Variants in TP53BP2 observed in about 807,000 individuals in gnomAD.
TP53BP2 encodes apoptosis-stimulating of p53 protein 2.
In TP53BP2, 62 loss-of-function variants were observed where a neutral mutation model predicts 126.2. The ratio of observed to expected loss-of-function variants is 0.49; its 90% CI spans 0.40 to 0.61. The LOEUF (loss-of-function observed/expected upper bound fraction) is 0.61, where lower values mean the gene tolerates loss of function less well. Ranked by LOEUF, TP53BP2 falls within the 20% of genes least tolerant of loss-of-function variation. The pLI is 0.00. For synonymous variants in TP53BP2, 485 were observed against 502.9 expected (o/e 0.96, Z 0.48); for missense variants, 1,215 against 1,402.8 (o/e 0.87, Z 2.14).
intron 6 of TP53BP2, 39 bp from the exon 7 acceptor site, chr1:223,803,491 A>T: frequency 6.5e-7 from 1 of 1,543,096 alleles, no homozygotes; most frequent in Non-Finnish European, 8.8e-7. Context: ...GTTGAAAAGA[A>T]AAATAAGAAT....
intron 1 of TP53BP2, among the ~76,000 whole-genome samples, chr1:223,823,300 A>C (rs1571868049): frequency 6.6e-6 from 1 of 152,166 alleles, no homozygotes; most frequent in African/African-American, 2.4e-5. Context: ...ATGATGATGG[A>C]AACTGGCTAA....
chr1:223,837,155 A>AGGGGGGGG (rs139243545), intron 1 of TP53BP2, among the ~76,000 whole-genome samples: 1 of 76,620 alleles, frequency 1.3e-5, no homozygotes, highest in Non-Finnish European at 2.7e-5. Flanking sequence ...TAAAAAAAAA[A>AGGGGGGGG]GGGGGGGGGC....
intron 9 of TP53BP2, 38 bp downstream of exon 9, chr1:223,802,078 T>G (rs1409354201): frequency 6.4e-7 from 1 of 1,572,812 alleles, no homozygotes; most frequent in South Asian, 1.1e-5. Context: ...GAAAGAATAG[T>G]GGGGACAGGA....
At position 223,798,689 on chromosome 1, in the gene TP53BP2, AC is replaced by A. The variant is rs1324645777; in HGVS notation, c.1486-13del. Reference sequence around the variant, plus strand: ...TTTTTATTTGCAACCTATAACACACACATAAAAAGCCAGTTAAAATACTATA... The same window carrying A: ...TTTTTATTTGCAACCTATAACACACAATAAAAAGCCAGTTAAAATACTATA... On this transcript the variant is annotated splice_polypyrimidine_tract_variant and intron_variant, in intron 11 of 17. Transcript: ENST00000343537. The A allele has an allele frequency of 3.2e-6, 5 of 1,574,292 alleles. No homozygotes were observed. The highest frequency in any genetic ancestry group is 1.7e-6 in the Non-Finnish European group (2 of 1,159,854).
At chr1:223,792,548 C>T in intron 14 of TP53BP2, 26 bp from the exon 15 acceptor site, 2 of 1,612,282 alleles carry the variant, frequency 1.2e-6, no homozygotes, top group Non-Finnish European at 1.7e-6. Context: ...GGGTGAGCAT[C>T]ACTCTAGTTT....
chr1:223,795,686 T>C, intron 13 of TP53BP2, 129 bp downstream of exon 13: 1 of 791,530 alleles, frequency 1.3e-6, no homozygotes, highest in Non-Finnish European at 1.8e-6. Flanking sequence ...AAAACATTTA[T>C]AAGATCCACT....
In TP53BP2 at chr1:223,845,719, G is replaced by T; in HGVS notation, c.-39C>A. 6.6e-7 allele frequency: 1 copy of T among 1,517,904 alleles called. No individual in the cohort carries two copies. The highest frequency in any genetic ancestry group is 8.8e-7 in the Non-Finnish European group (1 of 1,138,218). The allele number at this position is 1,517,904 out of a possible 1,614,324, so 94.0% of individuals were successfully genotyped here. ...CAGACTGCGGCCCCGGCCGAGCTGA[G>T]GTGCCCCGGAGGGTCGCGGATGCGG... is the stretch of plus-strand genomic sequence containing the variant. On this transcript the variant is annotated 5_prime_UTR_variant, in exon 1 of 18. Transcript: ENST00000343537.
chr1:223,807,246 C>T (rs1338375474), intron 4 of TP53BP2, among the ~76,000 whole-genome samples: 1 of 152,046 alleles, frequency 6.6e-6, no homozygotes. Context: ...TCAGAATTAC[C>T]TTGTTCTGTA....
intron 2 of TP53BP2, among the ~76,000 whole-genome samples, chr1:223,816,109 T>A (rs1663078227): frequency 6.6e-6 from 1 of 152,218 alleles, no homozygotes; most frequent in South Asian, 2.1e-4. Flanking sequence ...AGCACCCTTT[T>A]CTCCTGCAGA....
chr1:223,784,325 G>T lies in TP53BP2; in HGVS notation c.3164-11C>A, dbSNP rs1170373217. The T allele has an allele frequency of 4.3e-6, 7 of 1,613,304 alleles. No homozygotes were observed. The highest frequency in any genetic ancestry group is 5.9e-6 in the Non-Finnish European group (7 of 1,179,594). On this transcript the variant is annotated splice_polypyrimidine_tract_variant and intron_variant, in intron 16 of 17. Transcript: ENST00000343537. ...TCTTCTCCTGAACTCCTAAAATCATGACAGTAAGATAAAGCACAGAATATA... is the reference window on the plus strand; with the variant it reads ...TCTTCTCCTGAACTCCTAAAATCATTACAGTAAGATAAAGCACAGAATATA...
chr1:223,803,358 T>C lies in TP53BP2; in HGVS notation c.744A>G (p.Leu248=). ...CGATCCTGCCGTTCTTGAGCATCTC[T>C]AGCTGCCTGGTCAGTTCTTCTACTT... ...VSKVEELTRQ[L]EMLKNGRIDS... Residue 248 remains leucine (L), a synonymous_variant, in exon 7 of 18, where the codon CTA becomes CTG. Transcript: ENST00000343537. 1 of 1,614,002 alleles carries C rather than the reference T, an allele frequency of 6.2e-7. No individual in the cohort carries two copies. Among genetic ancestry groups the C allele is most frequent in the Non-Finnish European group, 8.5e-7 (1 of 1,179,904 alleles).
chr1:223,831,478 A>ATAT (rs1397956645), intron 1 of TP53BP2, among the ~76,000 whole-genome samples: 237 of 43,436 alleles, frequency 5.5e-3, no homozygotes, highest in Non-Finnish European at 8.9e-3. Flanking sequence ...AAAAAAAAAA[A>ATAT]AAATATATAT....
At chr1:223,811,852 A>C (rs1319809344) in intron 3 of TP53BP2, among the ~76,000 whole-genome samples, 2 of 152,184 alleles carry the variant, frequency 1.3e-5, no homozygotes, top group Non-Finnish European at 2.9e-5. Context: ...ACAACGTGAA[A>C]ACAGCTCCTT....
At chr1:223,791,953 A>G (rs1416781474) in intron 15 of TP53BP2, among the ~76,000 whole-genome samples, 2 of 152,172 alleles carry the variant, frequency 1.3e-5, no homozygotes, top group African/African-American at 4.8e-5. Context: ...GGTTCCACGA[A>G]AAATGGATTC....
At position 223,824,899 on chromosome 1, in the gene TP53BP2, C is replaced by G. The variant is rs371609825; in HGVS notation, c.28-3532G>C. Among the ~76,000 whole-genome samples, 10 of 152,056 alleles carry G rather than the reference C, an allele frequency of 6.6e-5. No homozygotes were observed. The East Asian group carries it at 1.2e-3, about 18-fold the overall frequency. On this transcript the variant is annotated intron_variant, in intron 1 of 17. Coordinates refer to ENST00000343537, the MANE Select transcript of TP53BP2 (RefSeq NM_001031685.3). ...GGGAGCCTCTGTACTTGCTGTTCCT[C>G]TATTTGGAATGCGCTTCTTTGTATG...
At chr1:223,801,773 A>G (rs1157125293) in intron 9 of TP53BP2, among the ~76,000 whole-genome samples, 2 of 152,194 alleles carry the variant, frequency 1.3e-5, no homozygotes, top group Non-Finnish European at 2.9e-5. Context: ...CCACAAACAC[A>G]TATGTTTTTA....
rs915514595 is a variant in TP53BP2 at position 223,786,377 on chromosome 1, T to C, written c.3164-2063A>G. Among the ~76,000 whole-genome samples the C allele has an allele frequency of 2.0e-5, 3 of 152,276 alleles. No homozygotes were observed. In the East Asian group the frequency reaches 5.8e-4, roughly 29 times the overall value. ...CTAAGGTGGGTACACAATTACTCACTGTGTGTAATCTACTATCATTATTAC... is the reference window on the plus strand; with the variant it reads ...CTAAGGTGGGTACACAATTACTCACCGTGTGTAATCTACTATCATTATTAC... On this transcript the variant is annotated intron_variant, in intron 16 of 17. Coordinates refer to ENST00000343537, the MANE Select transcript of TP53BP2 (RefSeq NM_001031685.3).
chr1:223,813,202 C>A (rs1662972889), intron 3 of TP53BP2, among the ~76,000 whole-genome samples: 1 of 152,118 alleles, frequency 6.6e-6, no homozygotes, highest in Non-Finnish European at 1.5e-5. Context: ...CCCTTGTTCT[C>A]TCCACCTCCA....
At chr1:223,842,273 T>TATA (rs1233254855) in intron 1 of TP53BP2, among the ~76,000 whole-genome samples, 2 of 152,238 alleles carry the variant, frequency 1.3e-5, no homozygotes, top group Non-Finnish European at 2.9e-5. Context: ...ATATAAGGGC[T>TATA]ATATGATGAC....
Sources: gnomAD v4.1 joint callset for allele counts (sites outside exome capture counted in the v4.1 genomes callset) on GRCh38, gnomAD v4.1.1 for gene constraint, MANE v1.5 for transcripts, NCBI Gene and HGNC (gene_info 2026-07-23, HGNC 2026-07-21) for gene names.